The following PIGB variants were observed in gnomAD, a reference collection of about 807,000 sequenced individuals.
PIGB encodes the protein GPI alpha-1,2-mannosyltransferase 3.
Under a neutral mutation model 68.4 loss-of-function variants are expected in PIGB, and 58 were observed. The ratio of observed to expected loss-of-function variants is 0.85; its 90% CI spans 0.69 to 1.06. The LOEUF (loss-of-function observed/expected upper bound fraction) is 1.06. Among genes scored for constraint, PIGB ranks in the 50% least tolerant of loss-of-function variants. PIGB has a pLI of 0.00. For missense variants in PIGB, 634 were observed against 655.8 expected, an observed-to-expected ratio of 0.97 and a Z score of 0.36; for synonymous variants, 219 against 220.5, an observed-to-expected ratio of 0.99 and a Z score of 0.06.
Position 55,354,953 on chromosome 15 carries a change from T to G in PIGB, c.1493T>G (p.Leu498Trp), listed in dbSNP as rs748119771. The G allele has an allele frequency of 6.2e-7, 1 of 1,612,498 alleles. No individual in the cohort carries two copies. The change falls in exon 11 of 12, where the codon TTG (leucine) becomes TGG (tryptophan). Residue 498 changes from leucine to tryptophan, a missense_variant. By Grantham distance (61) the Leu-to-Trp change is moderately conservative. Coordinates refer to ENST00000164305, the MANE Select transcript of PIGB (RefSeq NM_004855.5). ...GATGATGCATCATTGCCTACTCACT[T>G]GATCACCTTCAGCATTTTGGAAGAG... is the stretch of plus-strand genomic sequence containing the variant. ...FHDDASLPTH[L>W]ITFSILEEEI...
intron 10 of PIGB, among the ~76,000 whole-genome samples, chr15:55,353,458 T>G (rs2055972194): frequency 6.6e-6 from 1 of 152,212 alleles, no homozygotes; most frequent in South Asian, 2.1e-4. Flanking sequence ...ACTAACTCCA[T>G]TTCTAACTGG....
In PIGB at chr15:55,350,876, T is replaced by G; in HGVS notation, c.1301T>G (p.Phe434Cys). The G allele has an allele frequency of 6.2e-7, 1 of 1,603,344 alleles. No homozygotes were observed. Among genetic ancestry groups the G allele is most frequent in the Non-Finnish European group, 8.5e-7 (1 of 1,170,604 alleles). The change falls in exon 10 of 12, where the codon TTT (phenylalanine) becomes TGT (cysteine). Residue 434 changes from phenylalanine (F) to cysteine (C), a missense_variant. Physicochemically the swap from Phe to Cys is radical, Grantham distance 205. Transcript: ENST00000164305. Reference protein sequence around the residue: ...NNPNKSSASIFIMMPCHSTPY... With the variant: ...NNPNKSSASICIMMPCHSTPY... ...CCCAATAAATCTTCAGCTTCAATAT[T>G]TATAATGATGCCTTGCCACTCTACT...
intron 10 of PIGB, among the ~76,000 whole-genome samples, chr15:55,352,439 T>C (rs1453455572): frequency 6.6e-6 from 1 of 152,218 alleles, no homozygotes; most frequent in Non-Finnish European, 1.5e-5. Flanking sequence ...GCTGTATTAG[T>C]TACTAATTAC....
At chr15:55,319,468 C>T in intron 1 of PIGB, 55 bp downstream of exon 1, 3 of 1,374,774 alleles carry the variant, frequency 2.2e-6, no homozygotes, top group Non-Finnish European at 3.0e-6. Context: ...AAGGAACCCC[C>T]TCCATTTCAT....
At chr15:55,353,463 A>C (rs4774766) in intron 10 of PIGB, among the ~76,000 whole-genome samples, 33,827 of 152,120 alleles carry the variant, frequency 0.22, 4,240 homozygotes, top group East Asian at 0.54. Flanking sequence ...CTCCATTTCT[A>C]ACTGGAAATT....
At chr15:55,342,427 G>A (rs1348174909) in intron 9 of PIGB, among the ~76,000 whole-genome samples, 1 of 152,190 alleles carries the variant, frequency 6.6e-6, no homozygotes, top group Non-Finnish European at 1.5e-5. Context: ...GTCTCACTCT[G>A]CTGCCCAGGC....
chr15:55,336,168 G>T (rs941162217), intron 6 of PIGB, among the ~76,000 whole-genome samples: 25 of 152,150 alleles, frequency 1.6e-4, no homozygotes, highest in Admixed American at 1.1e-3. Flanking sequence ...TGCCCTGGGA[G>T]ACCAGGAGTT....
intron 4 of PIGB, among the ~76,000 whole-genome samples, chr15:55,327,851 A>C (rs1370060424): frequency 1.3e-5 from 2 of 152,182 alleles, no homozygotes; most frequent in Non-Finnish European, 2.9e-5. Flanking sequence ...GATGCCCTCA[A>C]ACCCTATGAG....
In PIGB at chr15:55,329,867, AT is replaced by A. The variant is rs759826320; in HGVS notation, c.653+15del. 6.5e-7 allele frequency: 1 copy of A among 1,526,992 alleles called. No individual in the cohort carries two copies. Among genetic ancestry groups the A allele is most frequent in the Non-Finnish European group, 9.0e-7 (1 of 1,112,796 alleles). 94.6% of individuals were successfully genotyped at this position (1,526,992 alleles called of 1,614,324 possible). On this transcript the variant is annotated intron_variant, in intron 5 of 11. Transcript: ENST00000164305. The stretch of plus-strand genomic sequence containing the variant: ...AGTCTATGAACAGGTAAGAAAAATT[AT>A]TGTTAATAATTATGTTCAAAATTCT...
At chr15:55,335,639 T>C (rs2055517146) in intron 6 of PIGB, among the ~76,000 whole-genome samples, 1 of 152,084 alleles carries the variant, frequency 6.6e-6, no homozygotes, top group South Asian at 2.1e-4. Flanking sequence ...TATTTTTAAA[T>C]AGGGTAGTTG....
chr15:55,353,720 T>G (rs972055136), intron 10 of PIGB, among the ~76,000 whole-genome samples: 1 of 152,268 alleles, frequency 6.6e-6, no homozygotes, highest in East Asian at 1.9e-4. Flanking sequence ...TTGTCCTGCC[T>G]CAGCCTCTTG....
At chr15:55,351,667 C>G (rs995638676) in intron 10 of PIGB, 15 of 151,118 alleles carry the variant, frequency 9.9e-5, no homozygotes, top group African/African-American at 2.9e-4. Context: ...GTCAGAAGAT[C>G]GAGACCATCC....
At chr15:55,351,799 G>A (rs1404300360) in intron 10 of PIGB, 1 of 126,802 alleles carries the variant, frequency 7.9e-6, no homozygotes, top group African/African-American at 3.0e-5. Flanking sequence ...ATGAACCCAG[G>A]AGGCGGAGTT....
chr15:55,339,665 C>T (rs1273497772), intron 7 of PIGB, among the ~76,000 whole-genome samples: 1 of 152,206 alleles, frequency 6.6e-6, no homozygotes, highest in African/African-American at 2.4e-5. Context: ...AAGTACCACA[C>T]AGTCCAAAAA....
intron 8 of PIGB, 77 bp downstream of exon 8, chr15:55,340,900 CTT>C: frequency 4.0e-6 from 4 of 1,008,006 alleles, no homozygotes; most frequent in Non-Finnish European, 5.8e-6. Context: ...AAAAAGTAAA[CTT>C]TATGTTTTGG....
chr15:55,352,712 A>G (rs2055951803), intron 10 of PIGB, among the ~76,000 whole-genome samples: 1 of 152,152 alleles, frequency 6.6e-6, no homozygotes, highest in South Asian at 2.1e-4. Context: ...AGCTGAGGTC[A>G]TACCATTGCA....
intron 4 of PIGB, among the ~76,000 whole-genome samples, chr15:55,329,437 T>C (rs1353517424): frequency 1.3e-5 from 2 of 152,238 alleles, no homozygotes; most frequent in Non-Finnish European, 2.9e-5. Context: ...GTTTTTTATG[T>C]GTTTCATTAA....
chr15:55,338,768 T>C (rs902943112), intron 6 of PIGB, among the ~76,000 whole-genome samples: 2 of 152,250 alleles, frequency 1.3e-5, no homozygotes, highest in African/African-American at 2.4e-5. Context: ...GAGGCAGCTT[T>C]AAGGAAACGG....
intron 9 of PIGB, chr15:55,350,470 T>A (rs912216180): frequency 1.1e-5 from 6 of 534,012 alleles, no homozygotes; most frequent in South Asian, 2.5e-5. Context: ...TTGGACTCCA[T>A]AACCATCATC....
Sources: gnomAD v4.1 joint callset for allele counts (sites outside exome capture counted in the v4.1 genomes callset) on GRCh38, gnomAD v4.1.1 for gene constraint, MANE v1.5 for transcripts, NCBI Gene and HGNC (gene_info 2026-07-23, HGNC 2026-07-21) for gene names.